Variants in CD4 observed in about 807,000 individuals in gnomAD.
CD4 encodes T-cell surface glycoprotein CD4.
A neutral mutation model predicts 50.5 loss-of-function variants in CD4; 25 were observed. The ratio of observed to expected loss-of-function variants is 0.49; its 90% CI spans 0.36 to 0.69. The LOEUF is 0.69. Among genes scored for constraint, CD4 ranks in the 30% least tolerant of loss-of-function variants. The probability of loss-of-function intolerance (pLI) is 0.00; values close to 1 mark genes in which losing one functional copy is unlikely to be tolerated. For missense variants in CD4, 456 were observed against 548.5 expected, an observed-to-expected ratio of 0.83 and a Z score of 1.68; for synonymous variants, 207 against 221.9, an observed-to-expected ratio of 0.93 and a Z score of 0.60.
intron 7 of CD4, among the ~76,000 whole-genome samples, chr12:6,818,000 A>C (rs60787795): frequency 0.15 from 22,503 of 151,684 alleles, 3,608 homozygotes; most frequent in African/African-American, 0.4. Flanking sequence ...GCGCACATGC[A>C]TGCAGTCACG....
rs1555113764 is a variant in CD4 at position 6,792,260 on chromosome 12, C to T, written c.-68+2598C>T. On this transcript the variant is annotated intron_variant, in intron 1 of 9. Coordinates refer to ENST00000011653, the MANE Select transcript of CD4 (RefSeq NM_000616.5). This position sits in a 1 kb window ranked among gnomAD's most constrained non-coding sequence, Gnocchi z 4.1. The stretch of plus-strand genomic sequence containing the variant: ...AGCTGGGCCCTCTTACCCTCCCAAG[C>T]CTCGCCCCTCATCCCATCCCTGGGG... Among the ~76,000 whole-genome samples, 1 of 152,046 alleles carries T rather than the reference C, an allele frequency of 6.6e-6. No individual in the cohort carries two copies. Among genetic ancestry groups the T allele is most frequent in the Non-Finnish European group, 1.5e-5 (1 of 68,026 alleles).
At chr12:6,809,715 A>C (rs1482258348) in intron 3 of CD4, among the ~76,000 whole-genome samples, 2 of 151,984 alleles carry the variant, frequency 1.3e-5, no homozygotes, top group Non-Finnish European at 2.9e-5. Flanking sequence ...CATTAGACTA[A>C]GCCTAGAAGC....
At chr12:6,804,736 G>A (rs1327749673) in intron 3 of CD4, among the ~76,000 whole-genome samples, 1 of 152,078 alleles carries the variant, frequency 6.6e-6, no homozygotes, top group Admixed American at 6.6e-5. Flanking sequence ...GCTGAGCATG[G>A]CCGGGTGCAG....
chr12:6,805,877 G>A (rs1447556316), intron 3 of CD4, among the ~76,000 whole-genome samples: 5 of 151,996 alleles, frequency 3.3e-5, no homozygotes, highest in African/African-American at 4.8e-5. Context: ...AGGTGTTCAC[G>A]ACTGCAGTGA....
At chr12:6,817,785 C>T (rs1168283282) in intron 7 of CD4, among the ~76,000 whole-genome samples, 2 of 146,760 alleles carry the variant, frequency 1.4e-5, no homozygotes, top group African/African-American at 2.5e-5. Context: ...CACACTCACA[C>T]CCACACTCTC....
intron 3 of CD4, 188 bp from the exon 4 acceptor site, chr12:6,813,954 T>C: frequency 1.8e-6 from 1 of 553,404 alleles, no homozygotes; most frequent in Non-Finnish European, 3.2e-6. Flanking sequence ...ATTTGTGAGC[T>C]ACTGTCCCAG....
intron 1 of CD4, among the ~76,000 whole-genome samples, chr12:6,794,778 T>A (rs1224362771): frequency 7.5e-6 from 1 of 132,560 alleles, no homozygotes; most frequent in Admixed American, 7.6e-5. Flanking sequence ...TATGTCTGTT[T>A]TTTTTTTGTT....
At chr12:6,794,097 CAG>C (rs1420622963) in intron 1 of CD4, among the ~76,000 whole-genome samples, 1 of 146,662 alleles carries the variant, frequency 6.8e-6, no homozygotes, top group Admixed American at 6.8e-5. Flanking sequence ...TTTTTTGAGA[CAG>C]AGTCACTCTG....
At chr12:6,791,009 C>T (rs535373881) in intron 1 of CD4, among the ~76,000 whole-genome samples, 27 of 152,308 alleles carry the variant, frequency 1.8e-4, no homozygotes, top group Non-Finnish European at 4.0e-4. Context: ...AAATGGCCGC[C>T]GCCCTCAAAG....
chr12:6,819,338 G>A lies in CD4; in HGVS notation c.*9G>A. 8.1e-6 allele frequency: 13 copies of A among 1,613,980 alleles called. No individual in the cohort carries two copies. The highest frequency in any genetic ancestry group is 9.3e-6 in the Non-Finnish European group (11 of 1,179,904). ...CATGTAGCCCCATTTGAGGCACGAGGCCAGGCAGATCCCACTTGCAGCCTC... is the reference window on the plus strand; with the variant it reads ...CATGTAGCCCCATTTGAGGCACGAGACCAGGCAGATCCCACTTGCAGCCTC... On this transcript the variant is annotated 3_prime_UTR_variant, in exon 10 of 10. Transcript: ENST00000011653.
At chr12:6,797,559 C>CT (rs1942408757) in intron 1 of CD4, among the ~76,000 whole-genome samples, 1 of 152,130 alleles carries the variant, frequency 6.6e-6, no homozygotes, top group Admixed American at 6.5e-5. Flanking sequence ...GTGCTGGTCT[C>CT]TGAGTTCCCT....
At chr12:6,790,603 C>A (rs1942127227) in intron 1 of CD4, among the ~76,000 whole-genome samples, 1 of 152,206 alleles carries the variant, frequency 6.6e-6, no homozygotes, top group East Asian at 1.9e-4. Flanking sequence ...CCTCCTGGGC[C>A]TGGCAGGGTG....
chr12:6,802,538 G>C (rs1555115518), intron 3 of CD4, among the ~76,000 whole-genome samples: 2 of 151,040 alleles, frequency 1.3e-5, no homozygotes, highest in African/African-American at 4.9e-5. Context: ...GAATTCCTAG[G>C]CTCAAGTGAT....
chr12:6,806,510 A>G (rs12825532), intron 3 of CD4, among the ~76,000 whole-genome samples: 3 of 152,204 alleles, frequency 2.0e-5, no homozygotes, highest in East Asian at 3.8e-4. Flanking sequence ...AAGACAGTTT[A>G]CAGAATATAA....
chr12:6,796,491 G>A (rs778478594), intron 1 of CD4, among the ~76,000 whole-genome samples: 80 of 152,264 alleles, frequency 5.3e-4, no homozygotes, highest in Non-Finnish European at 8.5e-4. Flanking sequence ...TCCTAGGCCT[G>A]GATTCAAAGA....
At chr12:6,817,600 C>G (rs1555118164) in intron 7 of CD4, among the ~76,000 whole-genome samples, 1 of 151,418 alleles carries the variant, frequency 6.6e-6, no homozygotes, top group East Asian at 1.9e-4. Flanking sequence ...TGGGGTCCAC[C>G]TGACCGAGAG....
At chr12:6,803,987 T>C (rs1173328447) in intron 3 of CD4, among the ~76,000 whole-genome samples, 4 of 151,238 alleles carry the variant, frequency 2.6e-5, no homozygotes, top group Non-Finnish European at 5.9e-5. Flanking sequence ...GGCACACACC[T>C]ATAGTCCCAG....
Position 6,792,569 on chromosome 12 carries a change from A to T in CD4, c.-68+2907A>T, listed in dbSNP as rs1942191762. 6.6e-6 allele frequency among the ~76,000 whole-genome samples: 1 copy of T among 151,912 alleles called. No homozygotes were observed. Among genetic ancestry groups the T allele is most frequent in the Admixed American group, 6.6e-5 (1 of 15,258 alleles). ...CCCCTCCTCCCTTGAGGCTCTGTGCATTCTGGGGAACTCTGTCCATTTCCC... is the reference window on the plus strand; with the variant it reads ...CCCCTCCTCCCTTGAGGCTCTGTGCTTTCTGGGGAACTCTGTCCATTTCCC... On this transcript the variant is annotated intron_variant, in intron 1 of 9. Transcript: ENST00000011653. The surrounding 1 kb of genome is among the most constrained non-coding windows in gnomAD (Gnocchi z 4.1).
chr12:6,816,864 C>A lies in CD4; in HGVS notation c.956-266C>A, dbSNP rs997293019. Among the ~76,000 whole-genome samples the A allele has an allele frequency of 6.6e-6, 1 of 152,194 alleles. No homozygotes were observed. Among genetic ancestry groups the A allele is most frequent in the African/African-American group, 2.4e-5 (1 of 41,440 alleles). Reference sequence around the variant, plus strand: ...CACTTGATGCTCAGCACGTGTCGGGCCCCATCCAAACACTTTACATGTATG... The same window carrying A: ...CACTTGATGCTCAGCACGTGTCGGGACCCATCCAAACACTTTACATGTATG... On this transcript the variant is annotated intron_variant, in intron 6 of 9. Transcript: ENST00000011653. This position sits in a 1 kb window ranked among gnomAD's most constrained non-coding sequence, Gnocchi z 4.9.
Sources: gnomAD v4.1 joint callset for allele counts (sites outside exome capture counted in the v4.1 genomes callset) on GRCh38, gnomAD v4.1.1 for gene constraint, Gnocchi (gnomAD v3.1) non-coding constraint, MANE v1.5 for transcripts, NCBI Gene and HGNC (gene_info 2026-07-23, HGNC 2026-07-21) for gene names.